The following TP63 variants were observed in gnomAD, a reference collection of about 807,000 sequenced individuals.
TP63 encodes the protein tumor protein 63.
In TP63, 17 loss-of-function variants were observed where a neutral mutation model predicts 82.8. The observed-to-expected ratio is 0.21, with a 90% CI of 0.14 to 0.31. The LOEUF is 0.31. Ranked by LOEUF, TP63 falls within the 10% of genes least tolerant of loss-of-function variation. The pLI is 1.00. For missense variants in TP63, 648 were observed against 895.3 expected (o/e 0.72, Z 3.52); for synonymous variants, 330 against 321.7 (o/e 1.03, Z -0.28).
chr3:189,784,322 T>C (rs1724438486), intron 3 of TP63, among the ~76,000 whole-genome samples: 1 of 152,054 alleles, frequency 6.6e-6, no homozygotes, highest in East Asian at 1.9e-4. Context: ...CTGTAGGACA[T>C]ACATGACATT....
Position 189,896,800 on chromosome 3 carries a change from A to G in TP63, c.*2298A>G. 1 of 207,322 alleles carries G rather than the reference A, an allele frequency of 4.8e-6. No individual in the cohort carries two copies. The highest frequency in any genetic ancestry group is 7.4e-5 in the East Asian group (1 of 13,546). The allele number at this position is 207,322 out of a possible 1,614,324, so 12.8% of individuals were successfully genotyped here. ...ATGGCAGCCTACTCTCCTTGAGTGT[A>G]TGAGTAGCCAGGGTAAGGGGTAAAA... On this transcript the variant is annotated 3_prime_UTR_variant, in exon 14 of 14. Coordinates refer to ENST00000264731, the MANE Select transcript of TP63 (RefSeq NM_003722.5).
intron 1 of TP63, among the ~76,000 whole-genome samples, chr3:189,709,932 A>G (rs970428839): frequency 2.0e-5 from 3 of 152,188 alleles, no homozygotes; most frequent in Non-Finnish European, 1.5e-5. Context: ...TTTTAGGAAT[A>G]TTTTATAAAT....
intron 3 of TP63, among the ~76,000 whole-genome samples, chr3:189,776,234 T>C (rs1723783726): frequency 6.6e-6 from 1 of 152,244 alleles, no homozygotes; most frequent in Non-Finnish European, 1.5e-5. Flanking sequence ...TTTAGTTTTA[T>C]TTTTATCATT....
At chr3:189,830,657 A>G (rs1318182751) in intron 4 of TP63, among the ~76,000 whole-genome samples, 1 of 152,200 alleles carries the variant, frequency 6.6e-6, no homozygotes. Flanking sequence ...CACTTGAGTA[A>G]AAGATGGATA....
At chr3:189,761,117 G>T (rs552787266) in intron 3 of TP63, among the ~76,000 whole-genome samples, 2 of 152,262 alleles carry the variant, frequency 1.3e-5, no homozygotes, top group Admixed American at 1.3e-4. Flanking sequence ...TGCCACATAG[G>T]TCTCTGACAT....
intron 4 of TP63, among the ~76,000 whole-genome samples, chr3:189,810,183 G>T (rs1727376859): frequency 6.6e-6 from 1 of 152,114 alleles, no homozygotes; most frequent in Non-Finnish European, 1.5e-5. Context: ...AATTCTGGAG[G>T]CGATGGATAC....
intron 1 of TP63, among the ~76,000 whole-genome samples, chr3:189,703,659 T>C (rs1407876851): frequency 6.6e-6 from 1 of 152,166 alleles, no homozygotes; most frequent in African/African-American, 2.4e-5. Context: ...ACTATACTAA[T>C]ACAGAGAAAA....
At chr3:189,809,454 G>A (rs569204951) in intron 4 of TP63, among the ~76,000 whole-genome samples, 2 of 152,298 alleles carry the variant, frequency 1.3e-5, no homozygotes, top group South Asian at 4.1e-4. Flanking sequence ...CACCTACAAA[G>A]TTGGTTTTAA....
chr3:189,848,426 C>G (rs1258656901), intron 4 of TP63, among the ~76,000 whole-genome samples: 1 of 151,636 alleles, frequency 6.6e-6, no homozygotes, highest in African/African-American at 2.4e-5. Context: ...CTTGTATTGC[C>G]CAGACTGGTC....
chr3:189,826,301 T>C (rs1729341528), intron 4 of TP63, among the ~76,000 whole-genome samples: 1 of 152,208 alleles, frequency 6.6e-6, no homozygotes, highest in East Asian at 1.9e-4. Context: ...TTTGATGAGC[T>C]TCTTGGAAAA....
chr3:189,708,941 A>G (rs981850338), intron 1 of TP63, among the ~76,000 whole-genome samples: 5 of 152,288 alleles, frequency 3.3e-5, no homozygotes, highest in African/African-American at 1.2e-4. Context: ...TTAGAGTGTC[A>G]GTTTGTTTTT....
At chr3:189,658,545 G>A (rs1344220593) in intron 1 of TP63, among the ~76,000 whole-genome samples, 1 of 152,010 alleles carries the variant, frequency 6.6e-6, no homozygotes, top group Non-Finnish European at 1.5e-5. Context: ...TTAACAAGAT[G>A]TAGTAAAAAT....
intron 4 of TP63, among the ~76,000 whole-genome samples, chr3:189,836,559 C>G (rs1362644079): frequency 6.6e-6 from 1 of 152,184 alleles, no homozygotes; most frequent in Admixed American, 6.5e-5. Flanking sequence ...AAACTTAAAA[C>G]TTGGTACTAT....
the TP63 span, among the ~76,000 whole-genome samples, chr3:189,622,215 G>A: frequency 4.6e-5 from 7 of 152,180 alleles, no homozygotes; most frequent in Non-Finnish European, 5.9e-5. Context: ...GCTGGCATTC[G>A]CAGGGCTTAT....
At chr3:189,684,231 C>G (rs1032658740) in intron 1 of TP63, among the ~76,000 whole-genome samples, 1 of 152,084 alleles carries the variant, frequency 6.6e-6, no homozygotes, top group African/African-American at 2.4e-5. Flanking sequence ...TTTCTAGGTA[C>G]CAGAAATATG....
At chr3:189,704,825 TA>T (rs1334259858) in intron 1 of TP63, among the ~76,000 whole-genome samples, 2 of 152,204 alleles carry the variant, frequency 1.3e-5, no homozygotes, top group African/African-American at 4.8e-5. Flanking sequence ...AAAATGCTTT[TA>T]AAAAGATTTG....
At chr3:189,826,612 A>C (rs1044195044) in intron 4 of TP63, among the ~76,000 whole-genome samples, 32 of 147,878 alleles carry the variant, frequency 2.2e-4, no homozygotes, top group African/African-American at 8.0e-4. Flanking sequence ...GTAGAGCTCC[A>C]CAACATGAAA....
chr3:189,598,110 A>G, the TP63 span, among the ~76,000 whole-genome samples: 92 of 152,314 alleles, frequency 6.0e-4, no homozygotes, highest in African/African-American at 2.1e-3. Flanking sequence ...AGTGAACTGA[A>G]TGACAGGTCA....
chr3:189,870,998 T>G (rs1718355831), intron 9 of TP63, among the ~76,000 whole-genome samples: 1 of 152,222 alleles, frequency 6.6e-6, no homozygotes, highest in Non-Finnish European at 1.5e-5. Context: ...CAGTGTCTTG[T>G]TTCTCAAGGT....
Sources: allele counts gnomAD v4.1 joint callset (sites outside exome capture counted in the v4.1 genomes callset), GRCh38; gene constraint gnomAD v4.1.1; transcripts MANE v1.5; gene names NCBI Gene and HGNC (gene_info 2026-07-23, HGNC 2026-07-21).